The following MCMDC2 variants were observed in gnomAD, a reference collection of about 807,000 sequenced individuals.
The protein encoded by MCMDC2 is minichromosome maintenance domain containing 2, also known as minichromosome maintenance domain-containing protein 2.
In MCMDC2, 54 loss-of-function variants were observed where a neutral mutation model predicts 75.8. The observed-to-expected ratio is 0.71, with a 90% confidence interval of 0.57 to 0.89. MCMDC2 has a LOEUF of 0.89. MCMDC2 is among the 40% of genes least tolerant of loss of function. The probability of loss-of-function intolerance (pLI) is 0.00; values close to 1 mark genes in which losing one functional copy is unlikely to be tolerated. For synonymous variants in MCMDC2, 249 were observed against 274.6 expected (o/e 0.91, Z 0.92); for missense variants, 656 against 780.4 (o/e 0.84, Z 1.90).
At chr8:66,915,450 T>C (rs931163935) in intron 14 of MCMDC2, among the ~76,000 whole-genome samples, 1 of 143,160 alleles carries the variant, frequency 7.0e-6, no homozygotes. Context: ...AGACTCCGTC[T>C]CAAAAAAAAA....
intron 14 of MCMDC2, among the ~76,000 whole-genome samples, chr8:66,916,004 T>C (rs1813302242): frequency 6.6e-6 from 1 of 152,094 alleles, no homozygotes. Context: ...CTAAAGGTTG[T>C]AGGTAGCCAT....
At chr8:66,925,613 C>A, downstream of MCMDC2, 1 of 152,448 alleles carries the variant, frequency 6.6e-6, no homozygotes, top group Non-Finnish European at 1.5e-5. Flanking sequence ...GGCCCCGCCC[C>A]TCCGCGGGTG....
chr8:66,922,641 G>T, downstream of MCMDC2: 1 of 393,188 alleles, frequency 2.5e-6, no homozygotes, highest in East Asian at 6.7e-5. Context: ...GATCCTAGTA[G>T]TTTTTTCACA....
At chr8:66,891,631 C>T (rs1812112760) in intron 10 of MCMDC2, among the ~76,000 whole-genome samples, 1 of 152,198 alleles carries the variant, frequency 6.6e-6, no homozygotes, top group African/African-American at 2.4e-5. Flanking sequence ...CTATGTCCAG[C>T]AGCACCTCTG....
At chr8:66,906,215 T>C (rs1389241516) in intron 14 of MCMDC2, among the ~76,000 whole-genome samples, 1 of 152,166 alleles carries the variant, frequency 6.6e-6, no homozygotes, top group Non-Finnish European at 1.5e-5. Context: ...TTGAATTAGA[T>C]GAGACATTAA....
rs1347662362 is a variant in MCMDC2, at chr8:66,905,098, T to A, written c.1770-128T>A. ...AAATCCTTTGAAAAGAAACTAAAAA[T>A]TTTTTTAAAGTAAGAATATGCTTTA... On this transcript the variant is annotated intron_variant, in intron 13 of 14. Coordinates refer to ENST00000422365, the MANE Select transcript of MCMDC2 (RefSeq NM_173518.5). The A allele has an allele frequency of 1.4e-5, 10 of 702,088 alleles. No homozygotes were observed. In the South Asian group the frequency reaches 2.7e-4, roughly 19 times the overall value. 43.5% of individuals were successfully genotyped at this position (702,088 alleles called of 1,614,324 possible). A position where few individuals can be genotyped will look rare whatever the true frequency, so the allele number is the denominator to read the frequency against.
At chr8:66,905,735 G>C (rs1184241648) in intron 14 of MCMDC2, among the ~76,000 whole-genome samples, 1 of 152,126 alleles carries the variant, frequency 6.6e-6, no homozygotes, top group East Asian at 1.9e-4. Context: ...AGCTGGGTGT[G>C]GTGGCTCACA....
rs199883555 is a variant in MCMDC2, at chr8:66,887,560, AAAG to A, written c.1074-3296_1074-3294del. On this transcript the variant is annotated intron_variant, in intron 9 of 14. Coordinates refer to ENST00000422365, the MANE Select transcript of MCMDC2 (RefSeq NM_173518.5). ...GCAAGACCCTGTCTCAAAAAAGAAA[AAAG>A]AAGAAGAAATCTTTGTCTATCCCAA... is the stretch of plus-strand genomic sequence containing the variant. Among the ~76,000 whole-genome samples the A allele has an allele frequency of 7.8e-3, 1,191 of 152,186 alleles. 15 individuals are homozygous for A. Among genetic ancestry groups the A allele is most frequent in the African/African-American group, 0.024 (978 of 41,504 alleles).
downstream of MCMDC2, among the ~76,000 whole-genome samples, chr8:66,922,990 T>C (rs1482641128): frequency 6.6e-6 from 1 of 152,218 alleles, no homozygotes; most frequent in Admixed American, 6.5e-5. Context: ...TTTCCACAAA[T>C]GAGCTTATTC....
chr8:66,897,155 C>A (rs140965699), intron 12 of MCMDC2, among the ~76,000 whole-genome samples, 196 bp downstream of exon 12: 1 of 151,896 alleles, frequency 6.6e-6, no homozygotes, highest in African/African-American at 2.4e-5. Flanking sequence ...GCCTATAATC[C>A]CAGCACTTTG....
At chr8:66,884,875 C>G (rs987641020) in intron 9 of MCMDC2, among the ~76,000 whole-genome samples, 1 of 152,038 alleles carries the variant, frequency 6.6e-6, no homozygotes, top group African/African-American at 2.4e-5. Flanking sequence ...CTCCTGGGCT[C>G]AAGTGATCCT....
In MCMDC2 at chr8:66,878,618, G is replaced by A; in HGVS notation, c.526G>A (p.Ala176Thr). The change falls in exon 6 of 15, where the codon GCA becomes ACA. Residue 176 changes from alanine to threonine, a missense_variant. Transcript: ENST00000422365. The stretch of plus-strand genomic sequence containing the variant: ...GCATGTGCCTGGTGCTACAGAATCT[G>A]CAACGATAAGAAATGACTTTTTGTG... ...RVHVPGATES[A>T]TIRNDFLCNL... 6.4e-7 allele frequency: 1 copy of A among 1,569,556 alleles called. No homozygotes were observed. The highest frequency in any genetic ancestry group is 8.6e-7 in the Non-Finnish European group (1 of 1,165,166).
chr8:66,902,645 G>C (rs527792143), intron 13 of MCMDC2, among the ~76,000 whole-genome samples: 1 of 131,196 alleles, frequency 7.6e-6, no homozygotes, highest in African/African-American at 2.8e-5. Context: ...AGTGGGCCGA[G>C]ATTGTGCCAC....
At chr8:66,895,759 A>AT (rs1213792650) in intron 10 of MCMDC2, among the ~76,000 whole-genome samples, 2 of 152,078 alleles carry the variant, frequency 1.3e-5, no homozygotes, top group Admixed American at 6.6e-5. Flanking sequence ...CCCCCCAGTC[A>AT]TTGTAGTTCA....
downstream of MCMDC2, among the ~76,000 whole-genome samples, chr8:66,925,994 A>G (rs2130887072): frequency 6.6e-6 from 1 of 151,976 alleles, no homozygotes; most frequent in East Asian, 1.9e-4. Context: ...TAAAAATACA[A>G]AAAAATTGGC....
chr8:66,871,816 C>G (rs1408818714), intron 1 of MCMDC2, among the ~76,000 whole-genome samples: 1 of 151,702 alleles, frequency 6.6e-6, no homozygotes, highest in Non-Finnish European at 1.5e-5. Context: ...GGGAGGATAG[C>G]TTGAGCCCGG....
chr8:66,874,371 A>G lies in MCMDC2; in HGVS notation c.140A>G (p.Asn47Ser), dbSNP rs1185517914. 13 of 1,613,030 alleles carry G rather than the reference A, an allele frequency of 8.1e-6. No individual in the cohort carries two copies. The highest frequency in any genetic ancestry group is 9.3e-6 in the Non-Finnish European group (11 of 1,179,734). The change falls in exon 3 of 15, where the codon AAT (asparagine) becomes AGT (serine). Residue 47 changes from asparagine to serine, a missense_variant. Transcript: ENST00000422365. ...YAVYRFKILI[N>S]PSDVVELDAE... ...GTCTATCGATTCAAAATTTTAATAA[A>G]TCCCTCTGATGTTGTTGAATTAGAT...
chr8:66,909,000 TC>T (rs1326006079), intron 14 of MCMDC2, among the ~76,000 whole-genome samples: 1 of 152,102 alleles, frequency 6.6e-6, no homozygotes. Context: ...ATCCCCATAA[TC>T]CCCAAATGTC....
At chr8:66,893,304 T>C (rs1288094216) in intron 10 of MCMDC2, among the ~76,000 whole-genome samples, 1 of 151,952 alleles carries the variant, frequency 6.6e-6, no homozygotes, top group African/African-American at 2.4e-5. Flanking sequence ...AGGCCAGGAG[T>C]TCTAGACCAT....
Sources: gnomAD v4.1 joint callset for allele counts (sites outside exome capture counted in the v4.1 genomes callset) on GRCh38, gnomAD v4.1.1 for gene constraint, MANE v1.5 for transcripts, NCBI Gene and HGNC (gene_info 2026-07-23, HGNC 2026-07-21) for gene names.